Variants in CSMD1 observed in about 807,000 individuals in gnomAD.
CSMD1 encodes CUB and Sushi multiple domains 1.
Under a neutral mutation model 417.5 loss-of-function variants are expected in CSMD1, and 213 were observed. The ratio of observed to expected loss-of-function variants is 0.51; its 90% CI spans 0.46 to 0.57. The LOEUF is 0.57. Among genes scored for constraint, CSMD1 ranks in the 20% least tolerant of loss-of-function variants. CSMD1 has a pLI of 0.00. For synonymous variants in CSMD1, 2,862 were observed against 1,736.8 expected (o/e 1.65, Z -16.11); for missense variants, 6,923 against 4,529.7 (o/e 1.53, Z -15.17).
At position 4,135,186 on chromosome 8, in the gene CSMD1, C is replaced by T. The variant is rs368088152; in HGVS notation, c.416-103087G>A. Among the ~76,000 whole-genome samples, 18 of 152,182 alleles carry T rather than the reference C, an allele frequency of 1.2e-4. No homozygotes were observed. The East Asian group carries it at 2.3e-3, about 20-fold the overall frequency. ...ATAAAATTTTCATTAGACAGGCTTC[C>T]ATTTATCACTTCAGGACCAACAATG... is the stretch of plus-strand genomic sequence containing the variant. On this transcript the variant is annotated intron_variant, in intron 3 of 69. Coordinates refer to ENST00000635120, the MANE Select transcript of CSMD1 (RefSeq NM_033225.6).
Position 3,743,898 on chromosome 8 carries a change from C to T in CSMD1, c.931+10032G>A, listed in dbSNP as rs545949747. 1.5e-4 allele frequency among the ~76,000 whole-genome samples: 23 copies of T among 152,294 alleles called. No homozygotes were observed. The East Asian group carries it at 4.1e-3, about 27-fold the overall frequency. On this transcript the variant is annotated intron_variant, in intron 6 of 69. Coordinates refer to ENST00000635120, the MANE Select transcript of CSMD1 (RefSeq NM_033225.6). The stretch of plus-strand genomic sequence containing the variant: ...TAAAATCCAGATTCCCTGCCTTTTC[C>T]TCTGCACCATTTGTCTTTGTCACCT...
intron 23 of CSMD1, among the ~76,000 whole-genome samples, chr8:3,339,235 G>T (rs578238678): frequency 9.9e-5 from 15 of 151,956 alleles, no homozygotes; most frequent in Admixed American, 8.5e-4. Context: ...CAGCCTTTCA[G>T]TGTTTCTTTG....
chr8:4,216,675 T>C lies in CSMD1; in HGVS notation c.416-184576A>G, dbSNP rs1347067195. Among the ~76,000 whole-genome samples, 5 of 152,088 alleles carry C rather than the reference T, an allele frequency of 3.3e-5. No individual in the cohort carries two copies. The South Asian group carries it at 6.2e-4, about 19-fold the overall frequency. ...CGTAAATGACTGAGTGAAGGGAAGC[T>C]TCTCATGTTTCATGTAAGCACCAGT... On this transcript the variant is annotated intron_variant, in intron 3 of 69. Coordinates refer to ENST00000635120, the MANE Select transcript of CSMD1 (RefSeq NM_033225.6).
chr8:4,751,329 G>A (rs927922912), intron 1 of CSMD1, among the ~76,000 whole-genome samples: 1 of 152,024 alleles, frequency 6.6e-6, no homozygotes, highest in Admixed American at 6.6e-5. Context: ...AGGTTGCAGT[G>A]AGAGTGAGCC....
At chr8:3,540,898 T>A (rs1023237941) in intron 10 of CSMD1, among the ~76,000 whole-genome samples, 2 of 152,162 alleles carry the variant, frequency 1.3e-5, no homozygotes, top group Admixed American at 6.5e-5. Flanking sequence ...GGCGAGGCTG[T>A]GGAGAAACAG....
At chr8:3,558,740 C>G (rs1206678984) in intron 10 of CSMD1, among the ~76,000 whole-genome samples, 2 of 150,646 alleles carry the variant, frequency 1.3e-5, no homozygotes, top group African/African-American at 4.9e-5. Context: ...CGTGTTCACT[C>G]CTCCAATGAT....
chr8:4,626,401 G>A (rs1462661995), intron 2 of CSMD1, among the ~76,000 whole-genome samples: 1 of 150,878 alleles, frequency 6.6e-6, no homozygotes, highest in Non-Finnish European at 1.5e-5. Context: ...TAAAGTATGT[G>A]GAAGGAAGTA....
intron 3 of CSMD1, among the ~76,000 whole-genome samples, chr8:4,404,235 C>G (rs1804854704): frequency 6.6e-6 from 1 of 152,116 alleles, no homozygotes; most frequent in African/African-American, 2.4e-5. Flanking sequence ...TTTATATTAT[C>G]TGTCACCTTG....
chr8:4,458,191 T>C (rs1173813379), intron 2 of CSMD1, among the ~76,000 whole-genome samples: 1 of 152,196 alleles, frequency 6.6e-6, no homozygotes, highest in Non-Finnish European at 1.5e-5. Context: ...ATCAAAATGA[T>C]ACTAATCACC....
chr8:3,528,155 T>A (rs1286974712), intron 10 of CSMD1, among the ~76,000 whole-genome samples: 1 of 152,204 alleles, frequency 6.6e-6, no homozygotes, highest in Non-Finnish European at 1.5e-5. Context: ...CATAGAATTA[T>A]TTTGCATGGT....
rs945635379 is a variant in CSMD1 at position 4,419,352 on chromosome 8, C to T, written c.415+601G>A. ...ACCTAATACTTGAAATGATAATTTC[C>T]TTTTCCAAAGTTCTATCTCTGCATT... On this transcript the variant is annotated intron_variant, in intron 3 of 69. Coordinates refer to ENST00000635120, the MANE Select transcript of CSMD1 (RefSeq NM_033225.6). 8.5e-5 allele frequency among the ~76,000 whole-genome samples: 13 copies of T among 152,174 alleles called. No homozygotes were observed. In the East Asian group the frequency reaches 2.5e-3, roughly 29 times the overall value.
chr8:4,209,941 T>C (rs372336726), intron 3 of CSMD1, among the ~76,000 whole-genome samples: 3 of 152,334 alleles, frequency 2.0e-5, no homozygotes, highest in African/African-American at 7.2e-5. Flanking sequence ...GGTGTTGCTA[T>C]GACAATGGTA....
chr8:4,330,027 G>A (rs895609937), intron 3 of CSMD1, among the ~76,000 whole-genome samples: 1 of 152,102 alleles, frequency 6.6e-6, no homozygotes, highest in Non-Finnish European at 1.5e-5. Context: ...GCAGAACTGT[G>A]AGCCAATTAA....
chr8:3,816,757 C>T (rs1020791817), intron 5 of CSMD1, among the ~76,000 whole-genome samples: 1 of 152,044 alleles, frequency 6.6e-6, no homozygotes, highest in African/African-American at 2.4e-5. Context: ...ATATGCATAC[C>T]TAATGTGTGT....
intron 23 of CSMD1, among the ~76,000 whole-genome samples, chr8:3,332,021 T>C (rs1011751265): frequency 8.5e-5 from 13 of 152,138 alleles, no homozygotes; most frequent in South Asian, 6.2e-4. Flanking sequence ...ATGTAATAGA[T>C]GGATATAGAC....
chr8:3,548,589 C>A (rs1455865816), intron 10 of CSMD1, among the ~76,000 whole-genome samples: 1 of 151,114 alleles, frequency 6.6e-6, no homozygotes, highest in Non-Finnish European at 1.5e-5. Flanking sequence ...AATAATAGTC[C>A]CCAATCTCAT....
At chr8:3,939,284 G>A (rs1427797928) in intron 5 of CSMD1, among the ~76,000 whole-genome samples, 1 of 152,132 alleles carries the variant, frequency 6.6e-6, no homozygotes, top group Non-Finnish European at 1.5e-5. Flanking sequence ...AATTATCAGA[G>A]AAATGCAAAT....
intron 5 of CSMD1, among the ~76,000 whole-genome samples, chr8:3,884,884 T>C (rs1446036978): frequency 6.7e-6 from 1 of 149,680 alleles, no homozygotes; most frequent in African/African-American, 2.5e-5. Context: ...ACCATAAAAA[T>C]TATAACTTTT....
chr8:2,995,130 C>T (rs1384416093), intron 54 of CSMD1, among the ~76,000 whole-genome samples: 1 of 152,072 alleles, frequency 6.6e-6, no homozygotes, highest in East Asian at 1.9e-4. Context: ...AAAAATTCTG[C>T]GAATCATATA....
Sources: allele counts gnomAD v4.1 joint callset (sites outside exome capture counted in the v4.1 genomes callset), GRCh38; gene constraint gnomAD v4.1.1; transcripts MANE v1.5; gene names NCBI Gene and HGNC (gene_info 2026-07-23, HGNC 2026-07-21).